GLIS3: variants seen among roughly 807,000 people sequenced by gnomAD.
GLIS3 encodes the protein GLIS family zinc finger 3, also known as zinc finger protein GLIS3.
A neutral mutation model predicts 78.6 loss-of-function variants in GLIS3; 53 were observed. The ratio of observed to expected loss-of-function variants is 0.67; its 90% CI spans 0.54 to 0.85. GLIS3 has a LOEUF of 0.85. Among genes scored for constraint, GLIS3 ranks in the 40% least tolerant of loss-of-function variants. The probability of loss-of-function intolerance (pLI) is 0.00; values close to 1 mark genes in which losing one functional copy is unlikely to be tolerated. For synonymous variants in GLIS3, 684 were observed against 509.9 expected (o/e 1.34, Z -4.60); for missense variants, 1,703 against 1,231.1 (o/e 1.38, Z -5.74).
upstream of GLIS3, among the ~76,000 whole-genome samples, chr9:4,304,086 A>G (rs1383644834): frequency 6.6e-6 from 1 of 150,616 alleles, no homozygotes; most frequent in East Asian, 1.9e-4. Flanking sequence ...TGATAAATGG[A>G]TTAATTAATG....
At chr9:4,196,664 G>C (rs1054714229) in intron 2 of GLIS3, among the ~76,000 whole-genome samples, 1 of 152,138 alleles carries the variant, frequency 6.6e-6, no homozygotes, top group African/African-American at 2.4e-5. Flanking sequence ...CCAAAAGGAA[G>C]AAACTCCGAA....
intron 6 of GLIS3, among the ~76,000 whole-genome samples, chr9:3,931,117 T>C (rs1319677857): frequency 1.3e-5 from 2 of 152,148 alleles, no homozygotes; most frequent in Non-Finnish European, 2.9e-5. Context: ...ACTACATTTC[T>C]AGGAAAAAAA....
chr9:4,034,768 G>C (rs976383049), intron 4 of GLIS3: 12 of 152,182 alleles, frequency 7.9e-5, no homozygotes, highest in African/African-American at 2.9e-4. Flanking sequence ...TGGGGGAAGA[G>C]TTCAACAGCA....
the GLIS3 span, among the ~76,000 whole-genome samples, chr9:4,402,108 T>C: frequency 6.6e-6 from 1 of 152,164 alleles, no homozygotes; most frequent in East Asian, 1.9e-4. Context: ...CAGTACTATG[T>C]TGGCTTCAGG....
At chr9:4,274,233 C>G (rs982364038) in intron 2 of GLIS3, among the ~76,000 whole-genome samples, 1 of 152,202 alleles carries the variant, frequency 6.6e-6, no homozygotes, top group African/African-American at 2.4e-5. Context: ...TGTACACTTG[C>G]AAGGTCAGTT....
intron 1 of GLIS3, among the ~76,000 whole-genome samples, chr9:4,295,787 T>C (rs879623191): frequency 2.6e-5 from 4 of 152,206 alleles, no homozygotes; most frequent in African/African-American, 4.8e-5. Context: ...AATAGAAAAT[T>C]TGGCTTTTGT....
At chr9:4,229,274 T>G (rs953884858) in intron 2 of GLIS3, among the ~76,000 whole-genome samples, 3 of 152,254 alleles carry the variant, frequency 2.0e-5, no homozygotes, top group Non-Finnish European at 4.4e-5. Flanking sequence ...GCAAAAATTT[T>G]ACCATGCGCA....
intron 2 of GLIS3, among the ~76,000 whole-genome samples, chr9:4,183,018 G>C (rs1217960408): frequency 2.6e-5 from 4 of 152,198 alleles, no homozygotes; most frequent in East Asian, 3.8e-4. Context: ...GTGAAGGATG[G>C]TTATGGGTAG....
chr9:4,360,024 CAAA>C, the GLIS3 span, among the ~76,000 whole-genome samples: 1 of 134,048 alleles, frequency 7.5e-6, no homozygotes, highest in Admixed American at 7.4e-5. Context: ...TCAGGATTTG[CAAA>C]AAAAAAAAAA....
At chr9:4,264,881 C>T (rs919807763) in intron 2 of GLIS3, among the ~76,000 whole-genome samples, 1 of 151,964 alleles carries the variant, frequency 6.6e-6, no homozygotes, top group Non-Finnish European at 1.5e-5. Context: ...AAATAACAAT[C>T]TTCGGCCAGG....
intron 2 of GLIS3, among the ~76,000 whole-genome samples, chr9:4,331,675 C>A (rs146030348): frequency 6.6e-6 from 1 of 152,092 alleles, no homozygotes; most frequent in Non-Finnish European, 1.5e-5. Context: ...TGGGTTATGA[C>A]GAAGAAATAT....
intron 4 of GLIS3, among the ~76,000 whole-genome samples, chr9:4,052,984 G>A (rs1255185247): frequency 6.6e-6 from 1 of 152,082 alleles, no homozygotes; most frequent in Non-Finnish European, 1.5e-5. Flanking sequence ...GTCTCGCTGT[G>A]TTGCCCAGCC....
At chr9:4,263,766 G>T (rs1477977509) in intron 2 of GLIS3, among the ~76,000 whole-genome samples, 1 of 152,158 alleles carries the variant, frequency 6.6e-6, no homozygotes, top group Non-Finnish European at 1.5e-5. Flanking sequence ...TGGCCTAGTT[G>T]ATCACTCCTT....
At position 4,344,839 on chromosome 9, in the gene GLIS3, C is replaced by T. The variant is rs187784629; in HGVS notation, n.264+2242G>A. Among the ~76,000 whole-genome samples, 325 of 152,310 alleles carry T rather than the reference C, an allele frequency of 2.1e-3. 2 individuals carry two copies. Among genetic ancestry groups the T allele is most frequent in the Non-Finnish European group, 1.7e-3 (113 of 68,022 alleles). On this transcript the variant is annotated intron_variant and non_coding_transcript_variant, in intron 2 of 4. Coordinates refer to the GLIS3 transcript ENST00000471664. ...AAGGCCAAAATTCCTTGTCTGCTCT[C>T]TTCCTTTCAGATTGCCAAGGCTCAC...
At position 4,129,499 on chromosome 9, in the gene GLIS3, TAA is replaced by T. The variant is rs561396314; in HGVS notation, c.389-3560_389-3559del. The stretch of plus-strand genomic sequence containing the variant: ...CCATCCTTTGGTGCTGTTTTCATGA[TAA>T]GTGTTCTCATGTGATCTGGATGTTT... On this transcript the variant is annotated intron_variant, in intron 2 of 10. Coordinates refer to ENST00000381971, the MANE Select transcript of GLIS3 (RefSeq NM_001042413.2). Among the ~76,000 whole-genome samples the T allele has an allele frequency of 2.0e-3, 311 of 152,204 alleles. 2 individuals are homozygous for T. The highest frequency in any genetic ancestry group is 7.2e-3 in the African/African-American group (297 of 41,522).
chr9:4,080,126 T>G (rs923168653), intron 4 of GLIS3, among the ~76,000 whole-genome samples: 2 of 152,258 alleles, frequency 1.3e-5, no homozygotes, highest in Non-Finnish European at 2.9e-5. Context: ...CCTGGCTTTA[T>G]GACTGGGTTG....
At chr9:4,228,225 G>C (rs574627927) in intron 2 of GLIS3, among the ~76,000 whole-genome samples, 1 of 141,742 alleles carries the variant, frequency 7.1e-6, no homozygotes, top group African/African-American at 2.8e-5. Flanking sequence ...AAAAGAAGAA[G>C]ATGGGAACCG....
chr9:4,455,457 T>A, the GLIS3 span, among the ~76,000 whole-genome samples: 3 of 152,244 alleles, frequency 2.0e-5, no homozygotes, highest in African/African-American at 7.2e-5. Context: ...AAAAAGAGCC[T>A]GTACTGAGGA....
At chr9:3,984,922 G>A (rs1470903351) in intron 4 of GLIS3, among the ~76,000 whole-genome samples, 2 of 152,108 alleles carry the variant, frequency 1.3e-5, no homozygotes, top group African/African-American at 4.8e-5. Flanking sequence ...TTCTTTGCCT[G>A]CTGCCAACCA....
Sources: allele counts gnomAD v4.1 joint callset (sites outside exome capture counted in the v4.1 genomes callset), GRCh38; gene constraint gnomAD v4.1.1; transcripts MANE v1.5; gene names NCBI Gene and HGNC (gene_info 2026-07-23, HGNC 2026-07-21).